The following SUPT3H variants were observed in gnomAD, a reference collection of about 807,000 sequenced individuals.
SUPT3H encodes the protein transcription initiation protein SPT3 homolog.
SUPT3H carries 44 observed loss-of-function variants against 44.3 expected under a neutral mutation model. The ratio of observed to expected loss-of-function variants is 0.99; its 90% CI spans 0.78 to 1.28. The LOEUF is 1.28. Ranked by LOEUF, SUPT3H falls within the 50% of genes most tolerant of loss-of-function variation. The probability of loss-of-function intolerance (pLI) is 0.00; values close to 1 mark genes in which losing one functional copy is unlikely to be tolerated. For synonymous variants in SUPT3H, 124 were observed against 125.6 expected, an observed-to-expected ratio of 0.99 and a Z score of 0.09; for missense variants, 380 against 387.1, an observed-to-expected ratio of 0.98 and a Z score of 0.15.
At chr6:44,931,679 A>G (rs570505966) in intron 10 of SUPT3H, among the ~76,000 whole-genome samples, 61 of 152,242 alleles carry the variant, frequency 4.0e-4, no homozygotes, top group Non-Finnish European at 7.2e-4. Flanking sequence ...TTTATAAAAC[A>G]TGTTCTTCCT....
rs1366443833 is a variant in SUPT3H, at chr6:45,137,362, TAA to T, written c.102-31358_102-31357del. On this transcript the variant is annotated intron_variant, in intron 2 of 10. Transcript: ENST00000371459. ...AAAAAGTTAAATATGGGGGTAAACA[TAA>T]AAGACTCTCTAAAGACACTTTTTCA... is the stretch of plus-strand genomic sequence containing the variant. 1.6e-4 allele frequency among the ~76,000 whole-genome samples: 24 copies of T among 152,002 alleles called. No individual in the cohort carries two copies. In the East Asian group the frequency reaches 4.3e-3, roughly 27 times the overall value.
At chr6:45,092,604 G>C (rs908374528) in intron 3 of SUPT3H, among the ~76,000 whole-genome samples, 8 of 151,932 alleles carry the variant, frequency 5.3e-5, no homozygotes, top group Admixed American at 3.9e-4. Context: ...ACAAAAACTA[G>C]CCAGGCGTGG....
chr6:45,198,521 C>T (rs12212745), intron 2 of SUPT3H, among the ~76,000 whole-genome samples: 34,568 of 150,998 alleles, frequency 0.23, 4,589 homozygotes, highest in Non-Finnish European at 0.31. Context: ...GAATCAGTCC[C>T]AATACATTAA....
intron 1 of SUPT3H, among the ~76,000 whole-genome samples, chr6:45,366,860 G>A (rs1234698528): frequency 2.0e-5 from 3 of 152,046 alleles, no homozygotes; most frequent in Non-Finnish European, 4.4e-5. Context: ...CTACGGCTAT[G>A]GCCTTCTAAA....
At chr6:45,349,621 T>G (rs1581793131) in intron 2 of SUPT3H, among the ~76,000 whole-genome samples, 1 of 152,346 alleles carries the variant, frequency 6.6e-6, no homozygotes, top group East Asian at 1.9e-4. Context: ...TGGGAACCAT[T>G]GCACTGGAAG....
intron 3 of SUPT3H, among the ~76,000 whole-genome samples, chr6:45,062,361 T>G (rs1032322003): frequency 6.6e-6 from 1 of 152,160 alleles, no homozygotes; most frequent in Non-Finnish European, 1.5e-5. Context: ...CATAAAATTA[T>G]AATTCTGAGA....
chr6:45,349,986 GA>G (rs1791685447), intron 2 of SUPT3H, among the ~76,000 whole-genome samples: 2 of 151,880 alleles, frequency 1.3e-5, no homozygotes, highest in Non-Finnish European at 2.9e-5. Flanking sequence ...TTAGTCACAG[GA>G]AAAAAAATTA....
intron 3 of SUPT3H, among the ~76,000 whole-genome samples, chr6:45,028,404 T>G (rs1339044833): frequency 1.3e-5 from 2 of 152,136 alleles, no homozygotes; most frequent in East Asian, 3.9e-4. Context: ...CAAAGTTTCA[T>G]TTTCCTCAGG....
intron 10 of SUPT3H, among the ~76,000 whole-genome samples, chr6:44,832,677 T>C (rs546929821): frequency 1.3e-5 from 2 of 152,258 alleles, no homozygotes; most frequent in South Asian, 4.1e-4. Context: ...GTTATAAAAT[T>C]AGGAATTCAT....
chr6:45,346,823 C>T (rs186618293), intron 2 of SUPT3H, among the ~76,000 whole-genome samples: 60 of 152,174 alleles, frequency 3.9e-4, no homozygotes, highest in African/African-American at 1.4e-3. Context: ...CCTTGGCCCC[C>T]CAAAGTGCTA....
intron 10 of SUPT3H, among the ~76,000 whole-genome samples, chr6:44,892,315 A>G (rs543159572): frequency 1.3e-5 from 2 of 152,124 alleles, no homozygotes; most frequent in South Asian, 4.2e-4. Flanking sequence ...GGAGAGAGGG[A>G]TCTCTCTCTC....
At chr6:45,076,432 G>GTAATGATTA (rs1267885000) in intron 3 of SUPT3H, among the ~76,000 whole-genome samples, 1 of 151,590 alleles carries the variant, frequency 6.6e-6, no homozygotes, top group African/African-American at 2.4e-5. Flanking sequence ...CATCCTACAG[G>GTAATGATTA]TAATGATTAC....
chr6:45,013,274 A>G (rs1369643928), intron 5 of SUPT3H, among the ~76,000 whole-genome samples: 1 of 152,016 alleles, frequency 6.6e-6, no homozygotes, highest in Non-Finnish European at 1.5e-5. Context: ...TGCTACCAGT[A>G]TCATGGAGCT....
chr6:45,125,827 C>CA (rs5875911), intron 2 of SUPT3H, among the ~76,000 whole-genome samples: 30,540 of 147,250 alleles, frequency 0.21, 5,540 homozygotes, highest in African/African-American at 0.5. Context: ...AAACTATTAC[C>CA]AAAAAAAAAA....
chr6:45,092,595 C>T (rs952753115), intron 3 of SUPT3H, among the ~76,000 whole-genome samples: 1 of 151,714 alleles, frequency 6.6e-6, no homozygotes, highest in African/African-American at 2.4e-5. Context: ...ACTAAAAATA[C>T]AAAAACTAGC....
chr6:45,010,651 T>C (rs996720580), intron 5 of SUPT3H, among the ~76,000 whole-genome samples: 1 of 152,152 alleles, frequency 6.6e-6, no homozygotes, highest in African/African-American at 2.4e-5. Flanking sequence ...ATGATCTTGT[T>C]GTATCCACAT....
At chr6:44,957,963 G>A (rs1775455725) in intron 7 of SUPT3H, among the ~76,000 whole-genome samples, 1 of 152,116 alleles carries the variant, frequency 6.6e-6, no homozygotes, top group South Asian at 2.1e-4. Context: ...CCCTTCCAAG[G>A]TATTGTTGGT....
intron 3 of SUPT3H, among the ~76,000 whole-genome samples, chr6:45,033,489 T>C (rs769807186): frequency 3.3e-5 from 5 of 151,930 alleles, no homozygotes; most frequent in Non-Finnish European, 7.4e-5. Flanking sequence ...AGAAAACAAA[T>C]GAAAACATGG....
intron 10 of SUPT3H, among the ~76,000 whole-genome samples, chr6:44,901,397 A>C (rs940682847): frequency 6.6e-6 from 1 of 152,250 alleles, no homozygotes; most frequent in Admixed American, 6.5e-5. Flanking sequence ...AGTAGCCGAT[A>C]TGATCGACTG....
Sources: gnomAD v4.1 joint callset for allele counts (sites outside exome capture counted in the v4.1 genomes callset) on GRCh38, gnomAD v4.1.1 for gene constraint, MANE v1.5 for transcripts, NCBI Gene and HGNC (gene_info 2026-07-23, HGNC 2026-07-21) for gene names.